LRP1B: variants seen among roughly 807,000 people sequenced by gnomAD.
The protein encoded by LRP1B is LDL receptor related protein 1B.
LRP1B carries 217 observed loss-of-function variants against 556.6 expected under a neutral mutation model. The observed-to-expected ratio is 0.39, with a 90% CI of 0.35 to 0.44. The LOEUF (loss-of-function observed/expected upper bound fraction) is 0.44, where lower values mean the gene tolerates loss of function less well. Ranked by LOEUF, LRP1B falls within the 20% of genes least tolerant of loss-of-function variation. LRP1B has a pLI of 1.00. For missense variants in LRP1B, 5,053 were observed against 5,620.8 expected, an observed-to-expected ratio of 0.90 and a Z score of 3.23; for synonymous variants, 2,047 against 1,865.8, an observed-to-expected ratio of 1.10 and a Z score of -2.50.
rs183050599 is a variant in LRP1B, at chr2:140,321,911, A to G, written c.12640+52T>C. On this transcript the variant is annotated intron_variant, in intron 82 of 90. Transcript: ENST00000389484. ...TTCACTCCATTTCACGAGGTGTGAAATTTTATGATAAGGATTAATTCATTA... is the reference window on the plus strand; with the variant it reads ...TTCACTCCATTTCACGAGGTGTGAAGTTTTATGATAAGGATTAATTCATTA... The G allele has an allele frequency of 4.9e-4, 754 of 1,551,732 alleles. 4 individuals carry two copies. In the East Asian group the frequency reaches 0.015, roughly 32 times the overall value.
chr2:141,876,593 A>G (rs984283244), intron 1 of LRP1B, among the ~76,000 whole-genome samples: 1 of 151,670 alleles, frequency 6.6e-6, no homozygotes, highest in African/African-American at 2.4e-5. Context: ...GACACTCTTT[A>G]CTTTTCTAGT....
chr2:140,389,846 G>C (rs1683937682), intron 66 of LRP1B, among the ~76,000 whole-genome samples: 1 of 151,240 alleles, frequency 6.6e-6, no homozygotes, highest in South Asian at 2.1e-4. Context: ...ACATGGAAAA[G>C]GCTGGGCGTG....
At chr2:141,368,368 C>G (rs1354982447) in intron 3 of LRP1B, among the ~76,000 whole-genome samples, 3 of 152,072 alleles carry the variant, frequency 2.0e-5, no homozygotes, top group Admixed American at 2.0e-4. Context: ...ATGCAAAGCA[C>G]TGAAAACTAA....
chr2:140,235,413 G>A (rs1186765366), intron 89 of LRP1B, among the ~76,000 whole-genome samples: 9 of 150,980 alleles, frequency 6.0e-5, no homozygotes, highest in African/African-American at 9.7e-5. Context: ...TATATCAAAC[G>A]CTTGTAACAA....
At position 141,229,411 on chromosome 2, in the gene LRP1B, T is replaced by C. The variant is rs768874272; in HGVS notation, c.622A>G (p.Ile208Val). 46 of 1,594,474 alleles carry C rather than the reference T, an allele frequency of 2.9e-5. No individual in the cohort carries two copies. Among genetic ancestry groups the C allele is most frequent in the Admixed American group, 1.7e-5 (1 of 59,644 alleles). The change falls in exon 6 of 91, where the codon ATT becomes GTT. Residue 208 changes from isoleucine to valine, a missense_variant. This residue lies in a region of LRP1B where 3,619 missense variants were observed against 3,931.9 expected (regional missense o/e 0.92). Transcript: ENST00000389484. ...EPTDRPPILL[I>V]ANFETIEVFY... ...ACCTCAATTGTTTCAAAATTTGCAA[T>C]TAATAGTATAGGTGGTCTATCTGTA...
At chr2:141,370,294 A>G (rs908434392) in intron 3 of LRP1B, among the ~76,000 whole-genome samples, 1 of 152,076 alleles carries the variant, frequency 6.6e-6, no homozygotes, top group African/African-American at 2.4e-5. Flanking sequence ...TTTTCTCTAC[A>G]TCCCTTCCAA....
intron 1 of LRP1B, among the ~76,000 whole-genome samples, chr2:142,095,634 T>C (rs1247559315): frequency 6.6e-6 from 1 of 151,820 alleles, no homozygotes; most frequent in Non-Finnish European, 1.5e-5. Context: ...TGTACTCCAG[T>C]GGCTTCTAAG....
intron 2 of LRP1B, among the ~76,000 whole-genome samples, chr2:141,507,493 C>A (rs1683974719): frequency 6.6e-6 from 1 of 152,042 alleles, no homozygotes. Context: ...ATATAAATTC[C>A]TTTCCATTAA....
chr2:142,086,199 A>C (rs1417238032), intron 1 of LRP1B, among the ~76,000 whole-genome samples: 1 of 152,200 alleles, frequency 6.6e-6, no homozygotes, highest in Non-Finnish European at 1.5e-5. Flanking sequence ...ACCTTTTCAC[A>C]TAACATATCT....
At chr2:141,965,813 A>G (rs1417196890) in intron 1 of LRP1B, among the ~76,000 whole-genome samples, 1 of 146,580 alleles carries the variant, frequency 6.8e-6, no homozygotes, top group Non-Finnish European at 1.5e-5. Context: ...AAAAAAAAAA[A>G]GAAAATTGTT....
At chr2:141,627,568 G>A (rs561369659) in intron 2 of LRP1B, among the ~76,000 whole-genome samples, 32 of 152,222 alleles carry the variant, frequency 2.1e-4, no homozygotes, top group Non-Finnish European at 4.3e-4. Context: ...AGTGCAAACC[G>A]TACTGTGAAC....
chr2:141,454,802 T>TCTC, intron 3 of LRP1B, among the ~76,000 whole-genome samples: 1 of 152,162 alleles, frequency 6.6e-6, no homozygotes, highest in East Asian at 1.9e-4. Flanking sequence ...AGGAGAGGAA[T>TCTC]AGTGCTACTC....
At chr2:141,047,085 T>TAATAATAAA (rs1477069434) in intron 11 of LRP1B, among the ~76,000 whole-genome samples, 1 of 149,598 alleles carries the variant, frequency 6.7e-6, no homozygotes, top group Non-Finnish European at 1.5e-5. Flanking sequence ...ATAATAATAA[T>TAATAATAAA]AAATGCAAGT....
At chr2:140,889,541 C>T (rs1693737440) in intron 23 of LRP1B, among the ~76,000 whole-genome samples, 1 of 152,200 alleles carries the variant, frequency 6.6e-6, no homozygotes, top group Non-Finnish European at 1.5e-5. Context: ...AAGTGATTCA[C>T]CTGCCTTGGC....
intron 15 of LRP1B, among the ~76,000 whole-genome samples, chr2:140,996,758 A>AAAAGACAAAAAGATAAAAGAC (rs1475826690): frequency 1.3e-5 from 2 of 152,068 alleles, no homozygotes; most frequent in Non-Finnish European, 2.9e-5. Flanking sequence ...ATAAAGTTGC[A>AAAAGACAAAAAGATAAAAGAC]AAAGACAAAA....
intron 3 of LRP1B, among the ~76,000 whole-genome samples, chr2:141,358,044 G>T (rs573454932): frequency 2.0e-5 from 3 of 152,242 alleles, no homozygotes; most frequent in South Asian, 4.1e-4. Flanking sequence ...CTCCTATTCA[G>T]AATGTATTGT....
chr2:140,784,256 T>A (rs1418971487), intron 32 of LRP1B, among the ~76,000 whole-genome samples: 4 of 152,018 alleles, frequency 2.6e-5, no homozygotes, highest in Non-Finnish European at 5.9e-5. Flanking sequence ...CTACCCTGAC[T>A]TTTGGGGAGG....
chr2:140,237,715 T>C (rs1024825029), intron 89 of LRP1B, among the ~76,000 whole-genome samples: 3 of 150,836 alleles, frequency 2.0e-5, no homozygotes, highest in South Asian at 2.1e-4. Context: ...TGCATATATT[T>C]CAACATTGAA....
At chr2:141,749,944 A>G (rs535070863) in intron 2 of LRP1B, among the ~76,000 whole-genome samples, 2 of 152,102 alleles carry the variant, frequency 1.3e-5, no homozygotes, top group African/African-American at 2.4e-5. Flanking sequence ...AAAGATATGA[A>G]ATGGAGCTTC....
Sources: allele counts gnomAD v4.1 joint callset (sites outside exome capture counted in the v4.1 genomes callset), GRCh38; gene constraint gnomAD v4.1.1; regional missense constraint gnomAD v4.1.1; transcripts MANE v1.5; gene names NCBI Gene and HGNC (gene_info 2026-07-23, HGNC 2026-07-21).